Variants in GALNT18 observed in about 807,000 individuals in gnomAD.
GALNT18 encodes the protein GalNAc-transferase 18.
A neutral mutation model predicts 69.5 loss-of-function variants in GALNT18; 44 were observed. The ratio of observed to expected loss-of-function variants is 0.63; its 90% confidence interval spans 0.50 to 0.81. The LOEUF (loss-of-function observed/expected upper bound fraction) is 0.81. GALNT18 is among the 40% of genes least tolerant of loss of function. The pLI is 0.00. For missense variants in GALNT18, 715 were observed against 810.0 expected (o/e 0.88, Z 1.42); for synonymous variants, 364 against 318.2 (o/e 1.14, Z -1.53).
intron 3 of GALNT18, among the ~76,000 whole-genome samples, chr11:11,418,171 CAG>C (rs1442253984): frequency 6.6e-6 from 1 of 152,186 alleles, no homozygotes; most frequent in Non-Finnish European, 1.5e-5. Context: ...CTTCAGTCCT[CAG>C]AGTCATTCAC....
At position 11,586,561 on chromosome 11, in the gene GALNT18, C is replaced by T. The variant is rs147651561; in HGVS notation, c.235+34798G>A. 6.6e-6 allele frequency among the ~76,000 whole-genome samples: 1 copy of T among 152,204 alleles called. No homozygotes were observed. Among genetic ancestry groups the T allele is most frequent in the East Asian group, 1.9e-4 (1 of 5,172 alleles). On this transcript the variant is annotated intron_variant, in intron 1 of 10. Coordinates refer to ENST00000227756, the MANE Select transcript of GALNT18 (RefSeq NM_198516.3). The surrounding 1 kb of genome is among the most constrained non-coding windows in gnomAD (Gnocchi z 4.1). ...ATCTTCCCTGTTGACAGGCAGAAAC[C>T]ACCAGGAACCCTTTTGCTTAGGCTG...
intron 1 of GALNT18, among the ~76,000 whole-genome samples, chr11:11,569,603 A>G (rs756239829): frequency 1.3e-5 from 2 of 152,192 alleles, no homozygotes; most frequent in Non-Finnish European, 2.9e-5. Context: ...TAGGAGAACA[A>G]GGCCAAGTTC....
At chr11:11,484,685 T>C (rs1856606898) in intron 1 of GALNT18, among the ~76,000 whole-genome samples, 1 of 148,024 alleles carries the variant, frequency 6.8e-6, no homozygotes, top group South Asian at 2.1e-4. Context: ...GAATGGACAC[T>C]AGATGGAGCG....
intron 1 of GALNT18, among the ~76,000 whole-genome samples, chr11:11,580,515 T>A (rs1327509637): frequency 6.6e-6 from 1 of 152,246 alleles, no homozygotes. Flanking sequence ...CCAGTGCAAA[T>A]GTCTACAGTT....
chr11:11,438,521 G>A (rs897547188), intron 2 of GALNT18, among the ~76,000 whole-genome samples: 6 of 152,120 alleles, frequency 3.9e-5, no homozygotes, highest in Non-Finnish European at 5.9e-5. Context: ...AATTCCGTAC[G>A]GTAAACAGCA....
At chr11:11,410,025 G>A (rs1426609147) in intron 3 of GALNT18, among the ~76,000 whole-genome samples, 1 of 152,116 alleles carries the variant, frequency 6.6e-6, no homozygotes, top group Non-Finnish European at 1.5e-5. Context: ...GCATGGGCTG[G>A]GCACCCTCCG....
At chr11:11,607,282 T>C (rs2133955854) in intron 1 of GALNT18, among the ~76,000 whole-genome samples, 1 of 152,324 alleles carries the variant, frequency 6.6e-6, no homozygotes, top group African/African-American at 2.4e-5. Context: ...AAATAATTAT[T>C]TTTATTGTTT....
chr11:11,555,383 G>A lies in GALNT18; in HGVS notation c.235+65976C>T, dbSNP rs971967578. On this transcript the variant is annotated intron_variant, in intron 1 of 10. Transcript: ENST00000227756. The surrounding 1 kb of genome is among the most constrained non-coding windows in gnomAD (Gnocchi z 4.7). ...CTTCCCCAACCCCAGCTTAATCCAC[G>A]CTCCAGTGCTTAGGAGCTCAGACTG... is the stretch of plus-strand genomic sequence containing the variant. 4.6e-5 allele frequency among the ~76,000 whole-genome samples: 7 copies of A among 152,152 alleles called. No individual in the cohort carries two copies. The highest frequency in any genetic ancestry group is 3.3e-4 in the Admixed American group (5 of 15,278).
chr11:11,284,435 T>TTGGTGG (rs577449302), intron 10 of GALNT18, among the ~76,000 whole-genome samples: 1 of 152,122 alleles, frequency 6.6e-6, no homozygotes, highest in Non-Finnish European at 1.5e-5. Flanking sequence ...TGCTGTTTCA[T>TTGGTGG]TGGTGGTGGT....
chr11:11,517,686 G>C (rs1233159815), intron 1 of GALNT18, among the ~76,000 whole-genome samples: 28 of 152,058 alleles, frequency 1.8e-4, no homozygotes, highest in Admixed American at 1.4e-3. Context: ...ACATAGATGA[G>C]GCCGCAGAAA....
rs1856756203 is a variant in GALNT18 at position 11,490,848 on chromosome 11, G to T, written c.236-41912C>A. Among the ~76,000 whole-genome samples the T allele has an allele frequency of 2.6e-5, 4 of 152,218 alleles. No individual in the cohort carries two copies. The South Asian group carries it at 8.3e-4, about 32-fold the overall frequency. The stretch of plus-strand genomic sequence containing the variant: ...GTCTCCCTAATGAAACTCCAACGCG[G>T]ATTGTCAGAGGTTTGTCTGGCACAT... On this transcript the variant is annotated intron_variant, in intron 1 of 10. Coordinates refer to ENST00000227756, the MANE Select transcript of GALNT18 (RefSeq NM_198516.3).
intron 6 of GALNT18, among the ~76,000 whole-genome samples, chr11:11,343,276 A>T (rs1850243504): frequency 6.6e-6 from 1 of 152,082 alleles, no homozygotes; most frequent in South Asian, 2.1e-4. Flanking sequence ...TGAGCCCAGG[A>T]GGTGGAAGCT....
intron 6 of GALNT18, among the ~76,000 whole-genome samples, chr11:11,371,829 G>A (rs1474101763): frequency 2.0e-5 from 3 of 152,186 alleles, no homozygotes; most frequent in Non-Finnish European, 2.9e-5. Flanking sequence ...TGTTTTCACC[G>A]GCCAAGGGGG....
At chr11:11,611,842 G>T (rs1477989503) in intron 1 of GALNT18, among the ~76,000 whole-genome samples, 1 of 152,172 alleles carries the variant, frequency 6.6e-6, no homozygotes, top group African/African-American at 2.4e-5. Flanking sequence ...TAGGAGAAAA[G>T]GCTGTCCACA....
rs773053002 is a variant in GALNT18 at position 11,605,024 on chromosome 11, C to A, written c.235+16335G>T. Among the ~76,000 whole-genome samples the A allele has an allele frequency of 6.6e-6, 1 of 152,150 alleles. No individual in the cohort carries two copies. Among genetic ancestry groups the A allele is most frequent in the Non-Finnish European group, 1.5e-5 (1 of 68,040 alleles). On this transcript the variant is annotated intron_variant, in intron 1 of 10. Coordinates refer to ENST00000227756, the MANE Select transcript of GALNT18 (RefSeq NM_198516.3). The surrounding 1 kb of genome is among the most constrained non-coding windows in gnomAD (Gnocchi z 4.7). ...CCTATGTCTACTATGCCCTCTTCCA[C>A]GCTACTGCCTAAATGACTCTTCTCA...
rs770545422 is a variant in GALNT18, at chr11:11,432,732, A to C, written c.484T>G (p.Phe162Val). Residue 162 changes from phenylalanine to valine, a missense_variant, in exon 3 of 11, where the codon TTC becomes GTC. Coordinates refer to ENST00000227756, the MANE Select transcript of GALNT18 (RefSeq NM_198516.3). This position sits in a 1 kb window ranked among gnomAD's most constrained non-coding sequence, Gnocchi z 5.8. ...AGCACTGAAAGCGCTTCATTGACGA[A>C]GATGAACACGATGCTCACCTCTGGC... is the stretch of plus-strand genomic sequence containing the variant. ...SLPEVSIVFI[F>V]VNEALSVLLR... 6.2e-7 allele frequency: 1 copy of C among 1,614,142 alleles called. No individual in the cohort carries two copies. The highest frequency in any genetic ancestry group is 8.5e-7 in the Non-Finnish European group (1 of 1,180,024).
At chr11:11,551,103 G>T (rs1367338566) in intron 1 of GALNT18, among the ~76,000 whole-genome samples, 1 of 129,364 alleles carries the variant, frequency 7.7e-6, no homozygotes, top group Non-Finnish European at 1.7e-5. Flanking sequence ...AAAAAAAAAA[G>T]CCCAGAAGAA....
rs1860048140 is a variant in GALNT18 at position 11,616,311 on chromosome 11, C to G, written c.235+5048G>C. Reference sequence around the variant, plus strand: ...ACTCGGAAAAATTTGAATGATAACACCCAATGCTGGCCAGGCTCCATGACT... The same window carrying G: ...ACTCGGAAAAATTTGAATGATAACAGCCAATGCTGGCCAGGCTCCATGACT... On this transcript the variant is annotated intron_variant, in intron 1 of 10. Coordinates refer to ENST00000227756, the MANE Select transcript of GALNT18 (RefSeq NM_198516.3). This position sits in a 1 kb window ranked among gnomAD's most constrained non-coding sequence, Gnocchi z 4.4. Among the ~76,000 whole-genome samples the G allele has an allele frequency of 6.6e-6, 1 of 152,168 alleles. No homozygotes were observed. The highest frequency in any genetic ancestry group is 2.1e-4 in the South Asian group (1 of 4,830).
intron 1 of GALNT18, among the ~76,000 whole-genome samples, chr11:11,609,909 C>T (rs1032121930): frequency 3.3e-5 from 5 of 152,228 alleles, no homozygotes; most frequent in Admixed American, 3.3e-4. Context: ...TACCCCACCC[C>T]ATGCCCTGAG....
Sources: allele counts gnomAD v4.1 joint callset (sites outside exome capture counted in the v4.1 genomes callset), GRCh38; gene constraint gnomAD v4.1.1; non-coding constraint Gnocchi (gnomAD v3.1); transcripts MANE v1.5; gene names NCBI Gene and HGNC (gene_info 2026-07-23, HGNC 2026-07-21).